Variants in C8orf34 observed in about 807,000 individuals in gnomAD.
C8orf34 encodes the protein uncharacterized protein C8orf34.
A neutral mutation model predicts 68.3 loss-of-function variants in C8orf34; 65 were observed. That is an observed-to-expected ratio of 0.95 (90% confidence interval 0.78 to 1.17). The LOEUF is 1.17. Among genes scored for constraint, C8orf34 ranks in the 50% most tolerant of loss-of-function variants. The pLI is 0.00. For synonymous variants in C8orf34, 244 were observed against 241.2 expected, an observed-to-expected ratio of 1.01 and a Z score of -0.11; for missense variants, 664 against 655.4, an observed-to-expected ratio of 1.01 and a Z score of -0.14.
At chr8:68,755,724 T>C (rs924689874) in intron 10 of C8orf34, among the ~76,000 whole-genome samples, 1 of 152,148 alleles carries the variant, frequency 6.6e-6, no homozygotes, top group East Asian at 1.9e-4. Flanking sequence ...ATCCTTCACA[T>C]TCTAAGAAGT....
intron 7 of C8orf34, among the ~76,000 whole-genome samples, chr8:68,624,742 T>G (rs1818486370): frequency 6.6e-6 from 1 of 152,122 alleles, no homozygotes; most frequent in Non-Finnish European, 1.5e-5. Flanking sequence ...AATTTATTTA[T>G]TTATTTATTA....
At chr8:68,469,229 ATTC>A (rs1812277353) in intron 4 of C8orf34, among the ~76,000 whole-genome samples, 1 of 152,004 alleles carries the variant, frequency 6.6e-6, no homozygotes, top group African/African-American at 2.4e-5. Context: ...ACTGGACCAA[ATTC>A]TTCTTAGAAT....
At chr8:68,650,641 G>A (rs1007030565) in intron 8 of C8orf34, among the ~76,000 whole-genome samples, 5 of 151,760 alleles carry the variant, frequency 3.3e-5, no homozygotes, top group African/African-American at 7.3e-5. Flanking sequence ...CACCACGCCC[G>A]GCTAATTTTT....
chr8:68,541,504 G>A (rs1004215763), intron 7 of C8orf34, among the ~76,000 whole-genome samples: 6 of 151,846 alleles, frequency 4.0e-5, no homozygotes, highest in Admixed American at 3.9e-4. Flanking sequence ...ATAGAGAAAA[G>A]ACTTGTTACT....
chr8:68,580,436 T>G (rs972143984), intron 7 of C8orf34, among the ~76,000 whole-genome samples: 3 of 152,146 alleles, frequency 2.0e-5, no homozygotes, highest in Non-Finnish European at 2.9e-5. Context: ...GATTTGGGTT[T>G]TTTAACTTAA....
intron 7 of C8orf34, among the ~76,000 whole-genome samples, chr8:68,588,074 A>G (rs964925537): frequency 6.6e-6 from 1 of 152,188 alleles, no homozygotes; most frequent in Non-Finnish European, 1.5e-5. Flanking sequence ...GCTTATAGCT[A>G]TACCTACATA....
intron 10 of C8orf34, among the ~76,000 whole-genome samples, chr8:68,748,138 G>A (rs1300275705): frequency 7.4e-6 from 1 of 135,676 alleles, no homozygotes; most frequent in Admixed American, 7.3e-5. Context: ...AATGGGGAAA[G>A]GATTCCCTAT....
chr8:68,660,462 T>A (rs775192785), intron 8 of C8orf34, among the ~76,000 whole-genome samples: 1 of 152,180 alleles, frequency 6.6e-6, no homozygotes, highest in South Asian at 2.1e-4. Flanking sequence ...ATTATCCACA[T>A]TTACCCACAC....
intron 1 of C8orf34, among the ~76,000 whole-genome samples, chr8:68,337,756 G>GT (rs964464574): frequency 3.8e-4 from 58 of 152,244 alleles, no homozygotes; most frequent in African/African-American, 1.4e-3. Context: ...TTTCATCAAT[G>GT]TTTATACGAG....
chr8:68,513,308 A>G (rs1398229736), intron 5 of C8orf34, among the ~76,000 whole-genome samples: 1 of 152,220 alleles, frequency 6.6e-6, no homozygotes, highest in Non-Finnish European at 1.5e-5. Flanking sequence ...CATACACAGC[A>G]CAGACACAGA....
At position 68,747,500 on chromosome 8, in the gene C8orf34, C is replaced by G. The variant is rs1244917881; in HGVS notation, c.1404+26063C>G. Among the ~76,000 whole-genome samples, 3 of 147,964 alleles carry G rather than the reference C, an allele frequency of 2.0e-5. 1 individual carries two copies. Among genetic ancestry groups the G allele is most frequent in the Non-Finnish European group, 1.5e-5 (1 of 66,416 alleles). ...TCTAGAAAACCCCATTGTCTCAGCC[C>G]AAAATCTCCTTAAGCTGATAAGCAA... is the stretch of plus-strand genomic sequence containing the variant. On this transcript the variant is annotated intron_variant, in intron 10 of 13. Coordinates refer to ENST00000518698, the MANE Select transcript of C8orf34 (RefSeq NM_052958.4).
chr8:68,530,616 A>G, intron 6 of C8orf34: 1 of 1,260,786 alleles, frequency 7.9e-7, no homozygotes, highest in South Asian at 1.3e-5. Flanking sequence ...TAATGCAATG[A>G]TGCAGAGGAC....
chr8:68,673,489 G>A (rs1820084084), intron 8 of C8orf34, among the ~76,000 whole-genome samples: 1 of 152,158 alleles, frequency 6.6e-6, no homozygotes, highest in Non-Finnish European at 1.5e-5. Context: ...AACATCAGCA[G>A]TAGCCAGGCA....
chr8:68,404,714 G>A lies in C8orf34; in HGVS notation c.328-34785G>A, dbSNP rs189956578. ...GTGTGGCATTATTTCTAAGGCCTCT[G>A]TTCTTTTCCATTGGTCTAGAAATCT... On this transcript the variant is annotated intron_variant, in intron 1 of 13. Transcript: ENST00000518698. Among the ~76,000 whole-genome samples the A allele has an allele frequency of 1.4e-4, 22 of 152,240 alleles. 1 individual carries two copies. Among genetic ancestry groups the A allele is most frequent in the Admixed American group, 8.5e-4 (13 of 15,278 alleles).
intron 5 of C8orf34, among the ~76,000 whole-genome samples, chr8:68,503,487 C>T (rs534904873): frequency 6.6e-6 from 1 of 152,016 alleles, no homozygotes; most frequent in African/African-American, 2.4e-5. Context: ...TTTATCTTTC[C>T]ACTTTTGTAT....
intron 7 of C8orf34, among the ~76,000 whole-genome samples, chr8:68,566,563 C>T (rs1388980822): frequency 1.3e-5 from 2 of 152,186 alleles, no homozygotes; most frequent in Non-Finnish European, 2.9e-5. Context: ...ACCTCATGAA[C>T]CAACCCCCGC....
intron 8 of C8orf34, among the ~76,000 whole-genome samples, chr8:68,663,708 A>G (rs116447473): frequency 3.5e-4 from 53 of 152,308 alleles, no homozygotes; most frequent in African/African-American, 1.2e-3. Flanking sequence ...TTGAAGTTTT[A>G]TAACTAGGAC....
At chr8:68,561,355 A>G (rs1324963604) in intron 7 of C8orf34, among the ~76,000 whole-genome samples, 8 of 143,556 alleles carry the variant, frequency 5.6e-5, no homozygotes, top group African/African-American at 2.0e-4. Context: ...CACATTATAC[A>G]GCTATACAAA....
At chr8:68,602,492 GAT>G (rs1160506751) in intron 7 of C8orf34, among the ~76,000 whole-genome samples, 1 of 152,036 alleles carries the variant, frequency 6.6e-6, no homozygotes, top group East Asian at 1.9e-4. Flanking sequence ...AAAACCATCA[GAT>G]CTCTTGAGAA....
Sources: allele counts gnomAD v4.1 joint callset (sites outside exome capture counted in the v4.1 genomes callset), GRCh38; gene constraint gnomAD v4.1.1; transcripts MANE v1.5; gene names NCBI Gene and HGNC (gene_info 2026-07-23, HGNC 2026-07-21).